The following AGBL4 variants were observed in gnomAD, a reference collection of about 807,000 sequenced individuals.
AGBL4 encodes the protein AGBL carboxypeptidase 4.
A neutral mutation model predicts 66.4 loss-of-function variants in AGBL4; 58 were observed. The ratio of observed to expected loss-of-function variants is 0.87; its 90% CI spans 0.71 to 1.09. The LOEUF is 1.09. Among genes scored for constraint, AGBL4 ranks in the 50% least tolerant of loss-of-function variants. The pLI, the probability that AGBL4 is intolerant of heterozygous loss-of-function variation, is 0.00. For synonymous variants in AGBL4, 234 were observed against 222.9 expected, an observed-to-expected ratio of 1.05 and a Z score of -0.44; for missense variants, 579 against 631.0, an observed-to-expected ratio of 0.92 and a Z score of 0.88.
intron 5 of AGBL4, among the ~76,000 whole-genome samples, chr1:48,986,195 T>C (rs991841546): frequency 7.9e-5 from 12 of 152,012 alleles, no homozygotes; most frequent in African/African-American, 1.9e-4. Flanking sequence ...TATCCTACTA[T>C]ACAATGAATT....
At chr1:49,797,174 A>G (rs2147940320) in intron 2 of AGBL4, among the ~76,000 whole-genome samples, 1 of 152,308 alleles carries the variant, frequency 6.6e-6, no homozygotes, top group African/African-American at 2.4e-5. Context: ...CAATTTCACA[A>G]AAATATTTTA....
intron 6 of AGBL4, among the ~76,000 whole-genome samples, chr1:48,669,364 C>A (rs1646240624): frequency 6.6e-6 from 1 of 152,202 alleles, no homozygotes; most frequent in Non-Finnish European, 1.5e-5. Context: ...GTATGTTGAG[C>A]TGCAGAGCTC....
At chr1:48,992,657 T>C (rs1660689937) in intron 5 of AGBL4, among the ~76,000 whole-genome samples, 1 of 152,168 alleles carries the variant, frequency 6.6e-6, no homozygotes, top group South Asian at 2.1e-4. Flanking sequence ...ATCTACTTGG[T>C]GCTCCATTCT....
At chr1:49,935,369 G>A (rs1169833793) in intron 1 of AGBL4, among the ~76,000 whole-genome samples, 1 of 152,224 alleles carries the variant, frequency 6.6e-6, no homozygotes, top group Non-Finnish European at 1.5e-5. Context: ...GCTCAAGGTT[G>A]CCTGCCTGCC....
chr1:48,563,364 C>T (rs1376654414), intron 11 of AGBL4, among the ~76,000 whole-genome samples: 1 of 152,182 alleles, frequency 6.6e-6, no homozygotes, highest in African/African-American at 2.4e-5. Context: ...CTATAGCAGC[C>T]ATCAATTAAC....
chr1:48,772,780 T>C (rs931405958), intron 6 of AGBL4, among the ~76,000 whole-genome samples: 2 of 152,220 alleles, frequency 1.3e-5, no homozygotes, highest in Admixed American at 1.3e-4. Context: ...TAAGAGCTGA[T>C]GCTGACCTGA....
At chr1:49,496,106 A>G (rs1647537046) in intron 3 of AGBL4, among the ~76,000 whole-genome samples, 1 of 152,096 alleles carries the variant, frequency 6.6e-6, no homozygotes, top group Non-Finnish European at 1.5e-5. Context: ...GGGCTATTCC[A>G]ATGAGATCCT....
intron 4 of AGBL4, among the ~76,000 whole-genome samples, chr1:49,188,690 C>A (rs1647059348): frequency 6.6e-6 from 1 of 152,108 alleles, no homozygotes; most frequent in African/African-American, 2.4e-5. Context: ...AATTTAAAAG[C>A]AACTTGGTAC....
intron 6 of AGBL4, among the ~76,000 whole-genome samples, chr1:48,717,288 T>C (rs1339803728): frequency 6.6e-6 from 1 of 152,264 alleles, no homozygotes; most frequent in Non-Finnish European, 1.5e-5. Context: ...GTGTCCTTCC[T>C]GCCTGAGTGT....
At chr1:48,800,962 C>A (rs1645792415) in intron 6 of AGBL4, among the ~76,000 whole-genome samples, 1 of 151,096 alleles carries the variant, frequency 6.6e-6, no homozygotes, top group South Asian at 2.1e-4. Flanking sequence ...GGTCTGAGCT[C>A]AGACTCTTTT....
At chr1:49,637,852 A>C (rs1455312804) in intron 3 of AGBL4, among the ~76,000 whole-genome samples, 2 of 152,204 alleles carry the variant, frequency 1.3e-5, no homozygotes, top group Non-Finnish European at 2.9e-5. Context: ...AATGCAAAGA[A>C]AAATGGTTAA....
At chr1:49,944,617 G>A (rs1482673352) in intron 1 of AGBL4, among the ~76,000 whole-genome samples, 1 of 151,932 alleles carries the variant, frequency 6.6e-6, no homozygotes, top group East Asian at 1.9e-4. Context: ...GAAGGAATCA[G>A]AATTGAATTC....
intron 2 of AGBL4, among the ~76,000 whole-genome samples, chr1:49,844,265 A>T (rs1190942157): frequency 2.6e-5 from 4 of 152,076 alleles, no homozygotes; most frequent in Non-Finnish European, 5.9e-5. Flanking sequence ...CTCTGTTGCC[A>T]CCTGGCATCA....
At chr1:49,395,747 GTATA>G in intron 3 of AGBL4, among the ~76,000 whole-genome samples, 1 of 127,902 alleles carries the variant, frequency 7.8e-6, no homozygotes. Flanking sequence ...ATATATATAT[GTATA>G]TATATATATA....
At chr1:49,857,305 A>G (rs1194503721) in intron 1 of AGBL4, among the ~76,000 whole-genome samples, 2 of 152,154 alleles carry the variant, frequency 1.3e-5, no homozygotes, top group African/African-American at 2.4e-5. Flanking sequence ...ACCCAAAGCA[A>G]TCTACAGAGC....
intron 2 of AGBL4, among the ~76,000 whole-genome samples, chr1:49,747,187 A>G (rs1016562539): frequency 2.6e-5 from 4 of 152,150 alleles, no homozygotes; most frequent in Non-Finnish European, 4.4e-5. Context: ...CCTTCATATC[A>G]AGGACTTTTG....
chr1:48,842,253 C>T (rs917412590), intron 6 of AGBL4, among the ~76,000 whole-genome samples: 2 of 152,134 alleles, frequency 1.3e-5, no homozygotes, highest in African/African-American at 4.8e-5. Flanking sequence ...GAAATGGCTT[C>T]CTTTCCTTTT....
At chr1:49,547,844 G>T (rs1333141967) in intron 3 of AGBL4, among the ~76,000 whole-genome samples, 1 of 151,368 alleles carries the variant, frequency 6.6e-6, no homozygotes, top group African/African-American at 2.4e-5. Context: ...CATGATCTCA[G>T]ATCACTGCAA....
intron 6 of AGBL4, among the ~76,000 whole-genome samples, chr1:48,794,417 CTCTCCTCCTCTGGG>C (rs1260335303): frequency 6.6e-6 from 1 of 152,178 alleles, no homozygotes; most frequent in Non-Finnish European, 1.5e-5. Context: ...TTACTACCTT[CTCTCCTCCTCTGGG>C]AAAGCAGAAG....
Sources: allele counts gnomAD v4.1 joint callset (sites outside exome capture counted in the v4.1 genomes callset), GRCh38; gene constraint gnomAD v4.1.1; transcripts MANE v1.5; gene names NCBI Gene and HGNC (gene_info 2026-07-23, HGNC 2026-07-21).